Variants in MAGEF1 observed in about 807,000 individuals in gnomAD.
MAGEF1 encodes melanoma-associated antigen F1.
For synonymous variants in MAGEF1, 150 were observed against 163.6 expected (o/e 0.92, Z 0.63); for missense variants, 418 against 399.5 (o/e 1.05, Z -0.39).
At position 184,711,187 on chromosome 3, in the gene MAGEF1, C is replaced by T. The variant is rs1712207626; in HGVS notation, c.635G>A (p.Arg212Lys). Residue 212 changes from arginine to lysine, a missense_variant, in exon 1 of 1, where the codon AGG (arginine) becomes AAG (lysine). Transcript: ENST00000317897. ...KYHFLFGYPK[R>K]LIMEDFVQQR... ...CTGCACAAAATCTTCCATAATAAGC[C>T]TCTTCGGATACCCAAAGAGGAAATG... The T allele has an allele frequency of 2.5e-6, 4 of 1,614,106 alleles. No individual in the cohort carries two copies. The highest frequency in any genetic ancestry group is 3.4e-6 in the Non-Finnish European group (4 of 1,180,046).
rs780201885 is a variant in MAGEF1 at position 184,710,921 on chromosome 3, T to C, written c.901A>G (p.Arg301Gly). Reference protein sequence around the residue: ...EASMRARASARAGIHLW With the variant: ...EASMRARASAGAGIHLW ...CCTCACCAGAGGTGGATGCCGGCCC[T>C]AGCACTGGCCCTGGCCCTCATACTG... The change falls in exon 1 of 1, where the codon AGG (arginine) becomes GGG (glycine). Residue 301 changes from arginine (R) to glycine (G), a missense_variant. Coordinates refer to ENST00000317897, the MANE Select transcript of MAGEF1 (RefSeq NM_022149.5). The C allele has an allele frequency of 1.3e-5, 20 of 1,594,628 alleles. No individual in the cohort carries two copies. In the Admixed American group the frequency reaches 3.3e-4, roughly 27 times the overall value.
In MAGEF1 at chr3:184,711,930, A is replaced by T; in HGVS notation, c.-109T>A. ...CAGCGGCAGTGACGGCGGGAGTACA[A>T]GGAGCAATGGCAGCGGGAGCTTTGT... On this transcript the variant is annotated 5_prime_UTR_variant, in exon 1 of 1. It adds an upstream start codon to the 5' untranslated region. Coordinates refer to ENST00000317897, the MANE Select transcript of MAGEF1 (RefSeq NM_022149.5). 1 of 1,399,410 alleles carries T rather than the reference A, an allele frequency of 7.1e-7. No individual in the cohort carries two copies. Among genetic ancestry groups the T allele is most frequent in the Non-Finnish European group, 9.3e-7 (1 of 1,076,844 alleles). The allele number at this position is 1,399,410 out of a possible 1,614,324, so 86.7% of individuals were successfully genotyped here.
chr3:184,711,889 C>G lies in MAGEF1; in HGVS notation c.-68G>C. The G allele has an allele frequency of 7.0e-7, 1 of 1,430,262 alleles. No homozygotes were observed. The highest frequency in any genetic ancestry group is 1.6e-5 in the South Asian group (1 of 61,134). 88.6% of individuals were successfully genotyped at this position (1,430,262 alleles called of 1,614,324 possible). ...GGTGTGGGAGCCGCCGCGCAAGCCC[C>G]GGGGGAGGGGTTGGACAGCGGCAGT... On this transcript the variant is annotated 5_prime_UTR_variant, in exon 1 of 1. Coordinates refer to ENST00000317897, the MANE Select transcript of MAGEF1 (RefSeq NM_022149.5).
chr3:184,711,219 T>A lies in MAGEF1; in HGVS notation c.603A>T (p.Ser201=). Residue 201 remains serine, a synonymous_variant, in exon 1 of 1, where the codon TCA becomes TCT. Coordinates refer to ENST00000317897, the MANE Select transcript of MAGEF1 (RefSeq NM_022149.5). ...GATACCCAAAGAGGAAATGATACTT[T>A]GAGGGTTGCACCCCCAACCGACGCA... ...EMLRRLGVQP[S]KYHFLFGYPK... The A allele has an allele frequency of 6.2e-7, 1 of 1,614,152 alleles. No homozygotes were observed. Among genetic ancestry groups the A allele is most frequent in the Non-Finnish European group, 8.5e-7 (1 of 1,180,022 alleles).
chr3:184,710,887 T>C lies in MAGEF1; in HGVS notation c.*11A>G, dbSNP rs1473368914. ...CTCACGGGGACCCACTGGCCAACTT[T>C]TCACCAACCCTCACCAGAGGTGGAT... On this transcript the variant is annotated 3_prime_UTR_variant, in exon 1 of 1. Coordinates refer to ENST00000317897, the MANE Select transcript of MAGEF1 (RefSeq NM_022149.5). 6 of 1,547,212 alleles carry C rather than the reference T, an allele frequency of 3.9e-6. No homozygotes were observed. The highest frequency in any genetic ancestry group is 5.2e-6 in the Non-Finnish European group (6 of 1,145,858).
chr3:184,711,564 G>T lies in MAGEF1; in HGVS notation c.258C>A (p.Phe86Leu), dbSNP rs1018183993. The change falls in exon 1 of 1, where the codon TTC (phenylalanine) becomes TTA (leucine). Residue 86 changes from phenylalanine (F) to leucine (L), a missense_variant. Coordinates refer to ENST00000317897, the MANE Select transcript of MAGEF1 (RefSeq NM_022149.5). ...LNRTVAELVQ[F>L]LLVKDKKKSP... The stretch of plus-strand genomic sequence containing the variant: ...TCTTCTTCTTGTCTTTCACCAGGAG[G>T]AACTGCACCAACTCCGCCACCGTCC... 1.9e-6 allele frequency: 3 copies of T among 1,613,942 alleles called. No individual in the cohort carries two copies. In the Admixed American group the frequency reaches 5.0e-5, roughly 27 times the overall value.
rs745449743 is a variant in MAGEF1 at position 184,711,140 on chromosome 3, G to A, written c.682C>T (p.Arg228Trp). The A allele has an allele frequency of 1.2e-6, 2 of 1,614,194 alleles. No homozygotes were observed. Among genetic ancestry groups the A allele is most frequent in the East Asian group, 2.2e-5 (1 of 44,886 alleles). Residue 228 changes from arginine to tryptophan, a missense_variant, in exon 1 of 1, where the codon CGG becomes TGG. Transcript: ENST00000317897. ...TCTGGTGGATTGGTGTGAGGCACCC[G>A]CCTGTAACTGAGATATCGCTGCTGC... Reference protein sequence around the residue: ...FVQQRYLSYRRVPHTNPPEYE... With the variant: ...FVQQRYLSYRWVPHTNPPEYE...
chr3:184,711,863 G>A lies in MAGEF1; in HGVS notation c.-42C>T. The stretch of plus-strand genomic sequence containing the variant: ...GTGCAGAGCGCGTACACGGGCCGAG[G>A]GGTGTGGGAGCCGCCGCGCAAGCCC... On this transcript the variant is annotated 5_prime_UTR_variant, in exon 1 of 1. Coordinates refer to ENST00000317897, the MANE Select transcript of MAGEF1 (RefSeq NM_022149.5). 1.4e-6 allele frequency: 2 copies of A among 1,447,528 alleles called. No homozygotes were observed. Among genetic ancestry groups the A allele is most frequent in the Non-Finnish European group, 1.8e-6 (2 of 1,099,722 alleles). 89.7% of individuals were successfully genotyped at this position (1,447,528 alleles called of 1,614,324 possible).
Position 184,711,414 on chromosome 3 carries a change from A to C in MAGEF1, c.408T>G (p.Phe136Leu), listed in dbSNP as rs1471847444. 2 of 1,614,094 alleles carry C rather than the reference A, an allele frequency of 1.2e-6. No individual in the cohort carries two copies. The highest frequency in any genetic ancestry group is 1.3e-5 in the African/African-American group (1 of 74,942). The change falls in exon 1 of 1, where the codon TTT (phenylalanine) becomes TTG (leucine). Residue 136 changes from phenylalanine to leucine, a missense_variant. Transcript: ENST00000317897. ...RYVFGFELKQFDRKHHTYILI... is the reference protein window; with the variant it reads ...RYVFGFELKQLDRKHHTYILI... ...GGATGTAAGTGTGGTGCTTGCGGTC[A>C]AACTGTTTCAGCTCAAAACCAAAGA...
rs780857996 is a variant in MAGEF1 at position 184,711,238 on chromosome 3, C to A, written c.584G>T (p.Arg195Leu). The A allele has an allele frequency of 1.5e-5, 24 of 1,614,048 alleles. No individual in the cohort carries two copies. In the East Asian group the frequency reaches 3.1e-4, roughly 21 times the overall value. ...ATACTTTGAGGGTTGCACCCCCAAC[C>A]GACGCAGCATCTCCCAGACCTGGGC... ...REAQVWEMLR[R>L]LGVQPSKYHF... Residue 195 changes from arginine (R) to leucine (L), a missense_variant, in exon 1 of 1, where the codon CGG becomes CTG. Coordinates refer to ENST00000317897, the MANE Select transcript of MAGEF1 (RefSeq NM_022149.5).
rs1437002693 is a variant in MAGEF1, at chr3:184,712,000, C to A, written c.-179G>T. ...ACGGGAGTCAAACCTGCGGCCGCAA[C>A]GCCGCCAGCAGCCGGAACCTGCGGC... On this transcript the variant is annotated 5_prime_UTR_variant, in exon 1 of 1. Coordinates refer to ENST00000317897, the MANE Select transcript of MAGEF1 (RefSeq NM_022149.5). The A allele has an allele frequency of 3.5e-6, 4 of 1,132,978 alleles. No homozygotes were observed. In the African/African-American group the frequency reaches 6.5e-5, roughly 18 times the overall value. 70.2% of individuals were successfully genotyped at this position (1,132,978 alleles called of 1,614,324 possible). A position where few individuals can be genotyped will look rare whatever the true frequency, so the allele number is the denominator to read the frequency against.
chr3:184,711,846 C>T lies in MAGEF1; in HGVS notation c.-25G>A, dbSNP rs746070472. 2 of 1,474,606 alleles carry T rather than the reference C, an allele frequency of 1.4e-6. No individual in the cohort carries two copies. Among genetic ancestry groups the T allele is most frequent in the Non-Finnish European group, 1.8e-6 (2 of 1,113,856 alleles). 91.3% of individuals were successfully genotyped at this position (1,474,606 alleles called of 1,614,324 possible). On this transcript the variant is annotated 5_prime_UTR_variant, in exon 1 of 1. Coordinates refer to ENST00000317897, the MANE Select transcript of MAGEF1 (RefSeq NM_022149.5). ...TGTTTTCGGGCAGGCAGGTGCAGAG[C>T]GCGTACACGGGCCGAGGGGTGTGGG... is the stretch of plus-strand genomic sequence containing the variant.
rs972867505 is a variant in MAGEF1 at position 184,710,615 on chromosome 3, A to C, written c.*283T>G. ...TACAGCCTTCCTTCCAATGTTGCATAATCTGTTCAAAATCACAGTATAAAT... is the reference window on the plus strand; with the variant it reads ...TACAGCCTTCCTTCCAATGTTGCATCATCTGTTCAAAATCACAGTATAAAT... On this transcript the variant is annotated 3_prime_UTR_variant, in exon 1 of 1. Transcript: ENST00000317897. 9.0e-6 allele frequency: 3 copies of C among 332,170 alleles called. No homozygotes were observed. Among genetic ancestry groups the C allele is most frequent in the South Asian group, 9.9e-5 (1 of 10,118 alleles). The allele number at this position is 332,170 out of a possible 1,614,324, so 20.6% of individuals were successfully genotyped here.
Position 184,711,422 on chromosome 3 carries a change from T to C in MAGEF1, c.400A>G (p.Lys134Glu). 1 of 1,614,208 alleles carries C rather than the reference T, an allele frequency of 6.2e-7. No individual in the cohort carries two copies. The highest frequency in any genetic ancestry group is 2.2e-5 in the East Asian group (1 of 44,872). ...GTGTGGTGCTTGCGGTCAAACTGTT[T>C]CAGCTCAAAACCAAAGACATACCGC... ...HLRYVFGFEL[K>E]QFDRKHHTYI... Residue 134 changes from lysine (K) to glutamate (E), a missense_variant, in exon 1 of 1, where the codon AAA (lysine) becomes GAA (glutamate). Lys to Glu is a moderately conservative substitution (Grantham distance 56, BLOSUM62 1). Transcript: ENST00000317897.
At position 184,711,427 on chromosome 3, in the gene MAGEF1, T is replaced by C; in HGVS notation, c.395A>G (p.Glu132Gly). ...AEHLRYVFGF[E>G]LKQFDRKHHT... ...GTGCTTGCGGTCAAACTGTTTCAGCTCAAAACCAAAGACATACCGCAGATG... is the reference window on the plus strand; with the variant it reads ...GTGCTTGCGGTCAAACTGTTTCAGCCCAAAACCAAAGACATACCGCAGATG... Residue 132 changes from glutamate (E) to glycine (G), a missense_variant, in exon 1 of 1, where the codon GAG becomes GGG. Coordinates refer to ENST00000317897, the MANE Select transcript of MAGEF1 (RefSeq NM_022149.5). 1 of 1,614,166 alleles carries C rather than the reference T, an allele frequency of 6.2e-7. No homozygotes were observed. The highest frequency in any genetic ancestry group is 8.5e-7 in the Non-Finnish European group (1 of 1,180,040).
At position 184,711,733 on chromosome 3, in the gene MAGEF1, G is replaced by C. The variant is rs779188132; in HGVS notation, c.89C>G (p.Pro30Arg). Residue 30 changes from proline (P) to arginine (R), a missense_variant, in exon 1 of 1, where the codon CCG (proline) becomes CGG (arginine). Pro to Arg is a moderately radical substitution (Grantham distance 103, BLOSUM62 -2). Coordinates refer to ENST00000317897, the MANE Select transcript of MAGEF1 (RefSeq NM_022149.5). ...CTTGGGGCGCTCCTGCGAGGCGGTCGGGGCCCGGGTCTCACCATCATGGCC... is the reference window on the plus strand; with the variant it reads ...CTTGGGGCGCTCCTGCGAGGCGGTCCGGGCCCGGGTCTCACCATCATGGCC... ...DGGHDGETRA[P>R]TASQERPKEE... 3.9e-6 allele frequency: 6 copies of C among 1,533,682 alleles called. No homozygotes were observed. Among genetic ancestry groups the C allele is most frequent in the Non-Finnish European group, 2.6e-6 (3 of 1,146,140 alleles).
Position 184,711,646 on chromosome 3 carries a change from G to A in MAGEF1, c.176C>T (p.Ala59Val), listed in dbSNP as rs760088196. The part of the protein sequence containing the change: ...AAEPALTRKG[A>V]RALAAKALAR... ...CAAGGCTTTGGCCGCCAAGGCCCTC[G>A]CGCCTTTCCGGGTGAGGGCGGGCTC... The change falls in exon 1 of 1, where the codon GCG becomes GTG. Residue 59 changes from alanine (A) to valine (V), a missense_variant. By Grantham distance (64) the Ala-to-Val change is moderately conservative. Coordinates refer to ENST00000317897, the MANE Select transcript of MAGEF1 (RefSeq NM_022149.5). The A allele has an allele frequency of 1.9e-6, 3 of 1,605,464 alleles. No individual in the cohort carries two copies. Among genetic ancestry groups the A allele is most frequent in the South Asian group, 2.2e-5 (2 of 90,916 alleles).
rs1712198645 is a variant in MAGEF1, at chr3:184,710,992, A to G, written c.830T>C (p.Leu277Pro). The change falls in exon 1 of 1, where the codon CTA (leucine) becomes CCA (proline). Residue 277 changes from leucine (L) to proline (P), a missense_variant. Coordinates refer to ENST00000317897, the MANE Select transcript of MAGEF1 (RefSeq NM_022149.5). ...QHWPVQYREA[L>P]ADEADRARAK... is the part of the protein sequence containing the mutation. ...TCTGGCCCTGTCGGCCTCGTCTGCT[A>G]GGGCCTCACGGTACTGCACTGGCCA... is the stretch of plus-strand genomic sequence containing the variant. 1.2e-6 allele frequency: 2 copies of G among 1,614,178 alleles called. No homozygotes were observed. Among genetic ancestry groups the G allele is most frequent in the African/African-American group, 1.3e-5 (1 of 75,056 alleles).
rs2108474343 is a variant in MAGEF1, at chr3:184,711,502, A to G, written c.320T>C (p.Ile107Thr). Residue 107 changes from isoleucine (I) to threonine (T), a missense_variant, in exon 1 of 1, where the codon ATT becomes ACT. Physicochemically the swap from Ile to Thr is moderately conservative, Grantham distance 89. Transcript: ENST00000317897. ...ITRSEMVKYV[I>T]GDLKILFPDI... is the part of the protein sequence containing the mutation. ...CGGGAACAGAATCTTCAAGTCTCCA[A>G]TAACGTATTTCACCATCTCCGAGCG... 10 of 1,614,206 alleles carry G rather than the reference A, an allele frequency of 6.2e-6. No homozygotes were observed. The highest frequency in any genetic ancestry group is 1.1e-5 in the South Asian group (1 of 91,084).
Sources: gnomAD v4.1 joint callset for allele counts on GRCh38, gnomAD v4.1.1 for gene constraint, MANE v1.5 for transcripts, NCBI Gene and HGNC (gene_info 2026-07-23, HGNC 2026-07-21) for gene names.